SMARCB1: variants seen among roughly 807,000 people sequenced by gnomAD.
The protein encoded by SMARCB1 is SWI/SNF related BAF chromatin remodeling complex subunit B1.
Under a neutral mutation model 49.0 loss-of-function variants are expected in SMARCB1, and 5 were observed. That is an observed-to-expected ratio of 0.10 (90% CI 0.05 to 0.21). SMARCB1 has a LOEUF of 0.21. Ranked by LOEUF, SMARCB1 falls within the 10% of genes least tolerant of loss-of-function variation. SMARCB1 has a pLI of 1.00. For missense variants in SMARCB1, 226 were observed against 509.2 expected, an observed-to-expected ratio of 0.44 and a Z score of 5.35; for synonymous variants, 201 against 200.1, an observed-to-expected ratio of 1.00 and a Z score of -0.04.
intron 6 of SMARCB1, chr22:23,824,467 C>T (rs1050204628): frequency 6.5e-6 from 1 of 153,470 alleles, no homozygotes; most frequent in African/African-American, 2.4e-5. Context: ...CCATCCTATT[C>T]AGAACAGCCA....
In SMARCB1 at chr22:23,825,314, G is replaced by A; in HGVS notation, c.885G>A (p.Leu295=). 1 of 1,614,196 alleles carries A rather than the reference G, an allele frequency of 6.2e-7. No homozygotes were observed. Among genetic ancestry groups the A allele is most frequent in the Non-Finnish European group, 8.5e-7 (1 of 1,179,998 alleles). ...EKENSPEKFA[L]KLCSELGLGG... ...AGAACTCACCAGAGAAGTTTGCCCTGAAGCTGTGCTCGGAGCTGGGGTTGG... is the reference window on the plus strand; with the variant it reads ...AGAACTCACCAGAGAAGTTTGCCCTAAAGCTGTGCTCGGAGCTGGGGTTGG... Residue 295 remains leucine (L), a synonymous_variant, in exon 7 of 9, where the codon CTG becomes CTA. Transcript: ENST00000644036.
Position 23,837,257 on chromosome 22 carries a change from G to T in SMARCB1, c.*3077G>T. 1 of 1,425,328 alleles carries T rather than the reference G, an allele frequency of 7.0e-7. No individual in the cohort carries two copies. The allele number at this position is 1,425,328 out of a possible 1,614,324, so 88.3% of individuals were successfully genotyped here. A position where few individuals can be genotyped will look rare whatever the true frequency, so the allele number is the denominator to read the frequency against. Reference sequence around the variant, plus strand: ...CATCCACAGCCTGGTGGCCCTGCAGGCCCCACAGCATGAGTGCCCCAAAGC... The same window carrying T: ...CATCCACAGCCTGGTGGCCCTGCAGTCCCCACAGCATGAGTGCCCCAAAGC... On this transcript the variant is annotated 3_prime_UTR_variant, in exon 9 of 9. Coordinates refer to ENST00000644036, the MANE Select transcript of SMARCB1 (RefSeq NM_003073.5).
intron 6 of SMARCB1, chr22:23,818,663 C>G (rs1406922453): frequency 1.5e-5 from 2 of 137,050 alleles, no homozygotes; most frequent in East Asian, 2.5e-4. Context: ...CCCCTCCCCC[C>G]ACCCCTGGCA....
At chr22:23,829,206 T>C (rs2030534176) in intron 7 of SMARCB1, among the ~76,000 whole-genome samples, 1 of 152,054 alleles carries the variant, frequency 6.6e-6, no homozygotes, top group African/African-American at 2.4e-5. Context: ...GGAAACAGAT[T>C]CATGTGCATG....
chr22:23,802,507 C>T (rs1026528954), intron 4 of SMARCB1: 33 of 155,710 alleles, frequency 2.1e-4, no homozygotes, highest in Middle Eastern at 6.7e-3. Context: ...TCCCCTTCTC[C>T]CTTAGAGTGG....
At position 23,837,407 on chromosome 22, in the gene SMARCB1, C is replaced by T. The variant is rs939270516; in HGVS notation, c.*3227C>T. On this transcript the variant is annotated 3_prime_UTR_variant, in exon 9 of 9. Transcript: ENST00000644036. The stretch of plus-strand genomic sequence containing the variant: ...GGAGTGGGAGCCATGGGGCAGGAAC[C>T]CTGACCCTCCCATCCTCACTCCCAT... 7 of 646,068 alleles carry T rather than the reference C, an allele frequency of 1.1e-5. No homozygotes were observed. The highest frequency in any genetic ancestry group is 7.3e-5 in the African/African-American group (4 of 54,602). 40.0% of individuals were successfully genotyped at this position (646,068 alleles called of 1,614,324 possible). A position where few individuals can be genotyped will look rare whatever the true frequency, so the allele number is the denominator to read the frequency against.
In SMARCB1 at chr22:23,834,703, C is replaced by T. The variant is rs2030894723; in HGVS notation, c.*523C>T. 3 of 1,348,198 alleles carry T rather than the reference C, an allele frequency of 2.2e-6. No individual in the cohort carries two copies. The highest frequency in any genetic ancestry group is 3.0e-6 in the Non-Finnish European group (3 of 1,006,212). The allele number at this position is 1,348,198 out of a possible 1,614,324, so 83.5% of individuals were successfully genotyped here. The stretch of plus-strand genomic sequence containing the variant: ...GGCTCCGGGTAGCACCTCAGCTCCT[C>T]TCAGCTCCCCTCAGCCTGTTCTCCT... On this transcript the variant is annotated 3_prime_UTR_variant, in exon 9 of 9. Coordinates refer to ENST00000644036, the MANE Select transcript of SMARCB1 (RefSeq NM_003073.5).
intron 5 of SMARCB1, among the ~76,000 whole-genome samples, chr22:23,811,219 C>T (rs560698163): frequency 1.1e-4 from 16 of 152,144 alleles, no homozygotes; most frequent in South Asian, 2.1e-4. Flanking sequence ...ATGCAGCAAA[C>T]GACAGAGCTG....
chr22:23,834,322 T>C lies in SMARCB1; in HGVS notation c.*142T>C. On this transcript the variant is annotated 3_prime_UTR_variant, in exon 9 of 9. Transcript: ENST00000644036. ...TGGGGGTGGAGTGGGGGCTTCCAGG[T>C]GGCCCTTCCCGGCACACATTCCATT... 1 of 912,962 alleles carries C rather than the reference T, an allele frequency of 1.1e-6. No homozygotes were observed. Among genetic ancestry groups the C allele is most frequent in the African/African-American group, 1.6e-5 (1 of 61,010 alleles). The allele number at this position is 912,962 out of a possible 1,614,324, so 56.6% of individuals were successfully genotyped here.
Position 23,837,857 on chromosome 22 carries a change from G to T in SMARCB1, c.*3677G>T, listed in dbSNP as rs2031222810. On this transcript the variant is annotated 3_prime_UTR_variant, in exon 9 of 9. Transcript: ENST00000644036. ...AGGCTGCCCAGGAGTCCCAGCAGCTGGGCCAGAGTCAAGGTGCTCCGGTGC... is the reference window on the plus strand; with the variant it reads ...AGGCTGCCCAGGAGTCCCAGCAGCTTGGCCAGAGTCAAGGTGCTCCGGTGC... 3 of 1,610,192 alleles carry T rather than the reference G, an allele frequency of 1.9e-6. No homozygotes were observed. The highest frequency in any genetic ancestry group is 2.5e-6 in the Non-Finnish European group (3 of 1,177,782).
At chr22:23,790,145 T>A (rs1030623961) in intron 1 of SMARCB1, among the ~76,000 whole-genome samples, 2 of 151,828 alleles carry the variant, frequency 1.3e-5, no homozygotes, top group Admixed American at 1.3e-4. Flanking sequence ...TGAAGGGGCT[T>A]TGGGGGGCAT....
chr22:23,804,736 G>A (rs374968982), intron 5 of SMARCB1, among the ~76,000 whole-genome samples: 1 of 152,274 alleles, frequency 6.6e-6, no homozygotes, highest in African/African-American at 2.4e-5. Context: ...TAGAGATAGG[G>A]TTTCACCATG....
chr22:23,799,930 C>T (rs945973370), intron 3 of SMARCB1, among the ~76,000 whole-genome samples: 3 of 150,974 alleles, frequency 2.0e-5, no homozygotes, highest in African/African-American at 4.9e-5. Context: ...GTGATCTGCC[C>T]GCGTCGGCCT....
chr22:23,837,061 C>T lies in SMARCB1; in HGVS notation c.*2881C>T. ...AGAGGGAGGGAGGGCTCTCAACACTCACAGGAAGCCAGGGGTCTGCAGGAG... is the reference window on the plus strand; with the variant it reads ...AGAGGGAGGGAGGGCTCTCAACACTTACAGGAAGCCAGGGGTCTGCAGGAG... On this transcript the variant is annotated 3_prime_UTR_variant, in exon 9 of 9. Coordinates refer to ENST00000644036, the MANE Select transcript of SMARCB1 (RefSeq NM_003073.5). 1 of 1,613,714 alleles carries T rather than the reference C, an allele frequency of 6.2e-7. No homozygotes were observed.
intron 5 of SMARCB1, chr22:23,815,449 G>C (rs922355462): frequency 6.6e-6 from 1 of 152,240 alleles, no homozygotes; most frequent in African/African-American, 2.4e-5. Flanking sequence ...CAGGAGAATG[G>C]CGTGAACCCG....
intron 4 of SMARCB1, chr22:23,801,955 T>C (rs36012947): frequency 0.012 from 1,981 of 160,030 alleles, 52 homozygotes; most frequent in African/African-American, 0.044. Context: ...GCCCTCTCCT[T>C]GCTCAGGCTG....
rs148790615 is a variant in SMARCB1, at chr22:23,812,621, T to C, written c.629-4149T>C. 5.0e-3 allele frequency among the ~76,000 whole-genome samples: 754 copies of C among 152,308 alleles called. 7 individuals are homozygous for C. The highest frequency in any genetic ancestry group is 0.017 in the African/African-American group (704 of 41,566). ...ATTCAGCAATATATAGAAATAATTA[T>C]ATACTGTGACCAAGTGGGATTTATT... On this transcript the variant is annotated intron_variant, in intron 5 of 8. Coordinates refer to ENST00000644036, the MANE Select transcript of SMARCB1 (RefSeq NM_003073.5).
At chr22:23,801,935 TG>T (rs1929180522) in intron 4 of SMARCB1, 1 of 162,162 alleles carries the variant, frequency 6.2e-6, no homozygotes, top group Non-Finnish European at 1.4e-5. Flanking sequence ...TCTCGGCGCG[TG>T]GAGATCCAGC....
intron 5 of SMARCB1, 123 bp from the exon 6 acceptor site, chr22:23,816,647 T>G (rs1930210943): frequency 1.1e-6 from 1 of 928,838 alleles, no homozygotes; most frequent in African/African-American, 1.6e-5. Context: ...CCACCCCCAG[T>G]GCCCTGGTTG....
Sources: gnomAD v4.1 joint callset for allele counts (sites outside exome capture counted in the v4.1 genomes callset) on GRCh38, gnomAD v4.1.1 for gene constraint, MANE v1.5 for transcripts, NCBI Gene and HGNC (gene_info 2026-07-23, HGNC 2026-07-21) for gene names.